The following CYP7B1 variants were observed in gnomAD, a reference collection of about 807,000 sequenced individuals.
CYP7B1 encodes the protein cytochrome P450 7B1.
In CYP7B1, 29 loss-of-function variants were observed where a neutral mutation model predicts 42.7. That is an observed-to-expected ratio of 0.68 (90% CI 0.51 to 0.93). The LOEUF (loss-of-function observed/expected upper bound fraction) is 0.93. Among genes scored for constraint, CYP7B1 ranks in the 40% least tolerant of loss-of-function variants. The pLI is 0.00. For missense variants in CYP7B1, 655 were observed against 600.5 expected (o/e 1.09, Z -0.95); for synonymous variants, 235 against 218.2 (o/e 1.08, Z -0.68).
intron 1 of CYP7B1, among the ~76,000 whole-genome samples, chr8:64,666,928 A>T (rs1357348502): frequency 6.6e-6 from 1 of 152,164 alleles, no homozygotes; most frequent in Non-Finnish European, 1.5e-5. Context: ...AATTTGTTCA[A>T]TTTCTAATGT....
intron 1 of CYP7B1, among the ~76,000 whole-genome samples, chr8:64,636,090 A>C (rs1227270002): frequency 6.6e-6 from 1 of 152,224 alleles, no homozygotes; most frequent in Non-Finnish European, 1.5e-5. Context: ...AGCAGGCCCC[A>C]CAAACGATGA....
intron 1 of CYP7B1, among the ~76,000 whole-genome samples, chr8:64,633,283 C>T (rs1805724025): frequency 6.6e-6 from 1 of 152,094 alleles, no homozygotes; most frequent in Non-Finnish European, 1.5e-5. Flanking sequence ...TTTTTCCCTG[C>T]TATTCATATT....
chr8:64,719,770 GA>G, intron 1 of CYP7B1, among the ~76,000 whole-genome samples: 1 of 152,254 alleles, frequency 6.6e-6, no homozygotes, highest in Middle Eastern at 3.4e-3. Flanking sequence ...CGCATAAAAT[GA>G]AAACTCATTA....
Position 64,686,689 on chromosome 8 carries a change from C to T in CYP7B1, c.123-62150G>A, listed in dbSNP as rs1376691439. ...ATGGCGGCTTTGTGGAATAGAAAGG[C>T]GGGAAAGGTGGGGAAAAGATTGAGA... On this transcript the variant is annotated intron_variant, in intron 1 of 5. Coordinates refer to ENST00000310193, the MANE Select transcript of CYP7B1 (RefSeq NM_004820.5). Among the ~76,000 whole-genome samples the T allele has an allele frequency of 7.2e-4, 47 of 65,264 alleles. 1 individual carries two copies. In the South Asian group the frequency reaches 0.018, roughly 25 times the overall value. The allele number at this position is 65,264 out of a possible 152,430, so 42.8% of individuals were successfully genotyped here.
chr8:64,634,717 A>T (rs918123055), intron 1 of CYP7B1, among the ~76,000 whole-genome samples: 2 of 152,158 alleles, frequency 1.3e-5, no homozygotes, highest in Non-Finnish European at 2.9e-5. Context: ...TGATTTTTTT[A>T]AAAAAGCTCA....
intron 5 of CYP7B1, among the ~76,000 whole-genome samples, chr8:64,600,031 T>C (rs117021518): frequency 0.022 from 3,369 of 152,334 alleles, 58 homozygotes; most frequent in Non-Finnish European, 0.034. Flanking sequence ...TATATGTTTG[T>C]TGAATTAATG....
intron 1 of CYP7B1, among the ~76,000 whole-genome samples, chr8:64,794,746 G>T (rs901157912): frequency 6.6e-6 from 1 of 152,134 alleles, no homozygotes; most frequent in African/African-American, 2.4e-5. Flanking sequence ...TCAAACCATA[G>T]CATCACCAAA....
Position 64,596,891 on chromosome 8 carries a change from C to T in CYP7B1, c.1272G>A (p.Lys424=). The change falls in exon 6 of 6, where the codon AAG becomes AAA. Residue 424 remains lysine (K), a synonymous_variant. Transcript: ENST00000310193. ...TCCCTCTTTTGAAAAAGGTGGTTTT[C>T]TTCTTACCATCTTCTATAAAACGAT... ...RYDRFIEDGK[K]KTTFFKRGKK... 2 of 1,613,270 alleles carry T rather than the reference C, an allele frequency of 1.2e-6. No individual in the cohort carries two copies. Among genetic ancestry groups the T allele is most frequent in the Non-Finnish European group, 1.7e-6 (2 of 1,179,442 alleles).
At chr8:64,669,391 A>C (rs1806331382) in intron 1 of CYP7B1, among the ~76,000 whole-genome samples, 1 of 152,144 alleles carries the variant, frequency 6.6e-6, no homozygotes, top group African/African-American at 2.4e-5. Flanking sequence ...AAATGCAAAA[A>C]TGAAGATATA....
intron 1 of CYP7B1, among the ~76,000 whole-genome samples, chr8:64,627,553 T>C (rs1805627241): frequency 6.6e-6 from 1 of 152,250 alleles, no homozygotes; most frequent in South Asian, 2.1e-4. Context: ...TTAAAGCAAC[T>C]AATTTCATCC....
chr8:64,798,361 C>T, intron 1 of CYP7B1, 105 bp downstream of exon 1: 1 of 1,384,580 alleles, frequency 7.2e-7, no homozygotes. Context: ...CAAGTTCTGA[C>T]TGTCTGCACT....
At chr8:64,614,412 T>A (rs1294262768) in intron 4 of CYP7B1, among the ~76,000 whole-genome samples, 2 of 152,108 alleles carry the variant, frequency 1.3e-5, no homozygotes, top group African/African-American at 4.8e-5. Flanking sequence ...TAGTTTGTAG[T>A]TGTTGCTTTT....
At chr8:64,644,561 C>T (rs1805918730) in intron 1 of CYP7B1, among the ~76,000 whole-genome samples, 1 of 152,170 alleles carries the variant, frequency 6.6e-6, no homozygotes. Context: ...CATTAATCTC[C>T]TTGTATGTCT....
chr8:64,752,709 C>T (rs758602083), intron 1 of CYP7B1, among the ~76,000 whole-genome samples: 2 of 152,130 alleles, frequency 1.3e-5, no homozygotes, highest in Non-Finnish European at 2.9e-5. Flanking sequence ...TAAGTCTATA[C>T]ATGTATGCCT....
chr8:64,595,556 C>A lies in CYP7B1; in HGVS notation c.*1086G>T, dbSNP rs543981930. On this transcript the variant is annotated 3_prime_UTR_variant, in exon 6 of 6. Transcript: ENST00000310193. ...AGTCCAGGTTCCCAAGGGACCAAAG[C>A]GGGAGGATCACTTGAGGTCAGGATT... Among the ~76,000 whole-genome samples the A allele has an allele frequency of 6.6e-6, 1 of 151,988 alleles. No homozygotes were observed. The highest frequency in any genetic ancestry group is 1.9e-4 in the East Asian group (1 of 5,184).
At chr8:64,735,997 C>G (rs1320753175) in intron 1 of CYP7B1, among the ~76,000 whole-genome samples, 6 of 152,156 alleles carry the variant, frequency 3.9e-5, no homozygotes, top group Admixed American at 3.9e-4. Flanking sequence ...CACCCATGCC[C>G]TAAGTATTAT....
chr8:64,657,642 C>G (rs1277796138), intron 1 of CYP7B1, among the ~76,000 whole-genome samples: 1 of 152,150 alleles, frequency 6.6e-6, no homozygotes, highest in Non-Finnish European at 1.5e-5. Flanking sequence ...AATAACTACA[C>G]TATGTTTTAA....
chr8:64,614,925 A>G (rs1805410803), intron 4 of CYP7B1, 101 bp downstream of exon 4: 2 of 1,075,932 alleles, frequency 1.9e-6, no homozygotes, highest in Non-Finnish European at 2.9e-6. Flanking sequence ...TATGTCAATT[A>G]GGCAGCTGTG....
intron 2 of CYP7B1, among the ~76,000 whole-genome samples, chr8:64,620,509 T>A (rs1038376910): frequency 6.6e-6 from 1 of 152,204 alleles, no homozygotes; most frequent in Non-Finnish European, 1.5e-5. Flanking sequence ...AGAATTTACA[T>A]GGTTTCTCAT....
Sources: gnomAD v4.1 joint callset for allele counts (sites outside exome capture counted in the v4.1 genomes callset) on GRCh38, gnomAD v4.1.1 for gene constraint, MANE v1.5 for transcripts, NCBI Gene and HGNC (gene_info 2026-07-23, HGNC 2026-07-21) for gene names.